STPG2: variants seen among roughly 807,000 people sequenced by gnomAD.
The protein encoded by STPG2 is sperm tail PG-rich repeat containing 2.
A neutral mutation model predicts 54.2 loss-of-function variants in STPG2; 56 were observed. The observed-to-expected ratio is 1.03, with a 90% CI of 0.83 to 1.29. The LOEUF is 1.29. STPG2 is among the 50% of genes most tolerant of loss of function. STPG2 has a pLI of 0.00. For synonymous variants in STPG2, 200 were observed against 181.8 expected, an observed-to-expected ratio of 1.10 and a Z score of -0.81; for missense variants, 596 against 544.9, an observed-to-expected ratio of 1.09 and a Z score of -0.93.
chr4:97,535,599 C>T (rs1263655713), intron 4 of STPG2, among the ~76,000 whole-genome samples: 1 of 152,078 alleles, frequency 6.6e-6, no homozygotes, highest in African/African-American at 2.4e-5. Flanking sequence ...TGTCTCTGTT[C>T]AGAAGTTGAT....
intron 9 of STPG2, among the ~76,000 whole-genome samples, chr4:97,792,234 C>T (rs1215556593): frequency 6.6e-6 from 1 of 152,140 alleles, no homozygotes; most frequent in African/African-American, 2.4e-5. Flanking sequence ...CTAGCTATCT[C>T]AAATTTAAAT....
chr4:98,025,627 C>T (rs776363151), intron 5 of STPG2: 233 of 799,118 alleles, frequency 2.9e-4, no homozygotes, highest in Admixed American at 9.7e-4. Context: ...CATATGCACA[C>T]GAACTGCCAA....
intron 8 of STPG2, among the ~76,000 whole-genome samples, chr4:97,850,297 G>GAAAA (rs1729111159): frequency 1.6e-4 from 1 of 6,358 alleles, no homozygotes; most frequent in Admixed American, 1.6e-3. Flanking sequence ...GGGAGGGAAA[G>GAAAA]AAAAATAAAT....
intron 5 of STPG2, among the ~76,000 whole-genome samples, chr4:98,040,096 A>G (rs965935187): frequency 2.0e-5 from 3 of 151,746 alleles, no homozygotes; most frequent in Admixed American, 1.3e-4. Context: ...ATTTTTTCAT[A>G]TCTTTGTTGG....
chr4:98,090,766 G>T, intron 5 of STPG2, among the ~76,000 whole-genome samples: 2 of 151,336 alleles, frequency 1.3e-5, no homozygotes, highest in East Asian at 1.9e-4. Context: ...TTCTTTCTTA[G>T]GTCCCCCTTC....
intron 10 of STPG2, among the ~76,000 whole-genome samples, chr4:97,559,889 C>G (rs1393497208): frequency 6.6e-6 from 1 of 152,136 alleles, no homozygotes; most frequent in Non-Finnish European, 1.5e-5. Flanking sequence ...TAGTAAGAGC[C>G]TACTGTATGC....
chr4:97,807,820 CA>C (rs1054866487), intron 9 of STPG2, among the ~76,000 whole-genome samples: 1 of 151,538 alleles, frequency 6.6e-6, no homozygotes, highest in African/African-American at 2.4e-5. Context: ...GATAAGGATA[CA>C]AAAAACAAAA....
intron 10 of STPG2, among the ~76,000 whole-genome samples, chr4:97,663,944 C>A (rs962476367): frequency 3.9e-5 from 6 of 151,996 alleles, no homozygotes; most frequent in Non-Finnish European, 8.8e-5. Context: ...ACCCTACATG[C>A]AAAATTTCCT....
chr4:97,994,599 A>C (rs758175511), intron 5 of STPG2, among the ~76,000 whole-genome samples: 28 of 152,070 alleles, frequency 1.8e-4, no homozygotes, highest in Non-Finnish European at 3.7e-4. Flanking sequence ...CACCCGGCAG[A>C]GATACTGAAC....
chr4:97,444,976 G>A (rs942942586), intron 4 of STPG2, among the ~76,000 whole-genome samples: 4 of 152,212 alleles, frequency 2.6e-5, no homozygotes, highest in Non-Finnish European at 4.4e-5. Flanking sequence ...GGCAGAGCTT[G>A]CAGTGAGTGG....
intron 4 of STPG2, among the ~76,000 whole-genome samples, chr4:97,522,678 T>A (rs902410124): frequency 6.6e-6 from 1 of 152,010 alleles, no homozygotes. Flanking sequence ...GTAATAGTCT[T>A]ACTGATTTAA....
At chr4:97,956,833 T>G (rs1329544618) in intron 7 of STPG2, among the ~76,000 whole-genome samples, 1 of 152,112 alleles carries the variant, frequency 6.6e-6, no homozygotes, top group Non-Finnish European at 1.5e-5. Flanking sequence ...AAAACAGCCT[T>G]GAGTCCTACA....
chr4:97,741,682 T>C (rs1725241001), intron 9 of STPG2, among the ~76,000 whole-genome samples: 2 of 152,252 alleles, frequency 1.3e-5, no homozygotes, highest in South Asian at 4.1e-4. Context: ...TCACACCAGT[T>C]AGAATGGCAA....
chr4:97,773,247 T>C (rs165248), intron 9 of STPG2, among the ~76,000 whole-genome samples: 24,498 of 152,084 alleles, frequency 0.16, 2,140 homozygotes, highest in East Asian at 0.36. Context: ...CATGAATTTA[T>C]TGGATTCAAA....
At chr4:97,814,448 C>T (rs1010646700) in intron 9 of STPG2, among the ~76,000 whole-genome samples, 3 of 152,108 alleles carry the variant, frequency 2.0e-5, no homozygotes, top group Admixed American at 2.0e-4. Context: ...CCTGCCTCAG[C>T]CATCCAAGTA....
chr4:97,742,519 CTGTGTGTGTGTGTGTGTG>C (rs150619013), intron 9 of STPG2, among the ~76,000 whole-genome samples: 9 of 125,104 alleles, frequency 7.2e-5, no homozygotes, highest in African/African-American at 1.2e-4. Context: ...AATGAATAAA[CTGTGTGTGTGTGTGTGTG>C]TGTGTGTGTG....
At chr4:97,447,199 T>C (rs1015466693) in intron 4 of STPG2, among the ~76,000 whole-genome samples, 2 of 152,178 alleles carry the variant, frequency 1.3e-5, no homozygotes, top group African/African-American at 4.8e-5. Flanking sequence ...GCCCTGGAAA[T>C]CTGTGGAGCA....
chr4:97,881,750 C>A (rs1368844553), intron 8 of STPG2, among the ~76,000 whole-genome samples: 1 of 152,224 alleles, frequency 6.6e-6, no homozygotes, highest in African/African-American at 2.4e-5. Flanking sequence ...TTTCCCATTT[C>A]TCTAGTTTCA....
chr4:97,536,949 AG>A (rs1731546843), intron 4 of STPG2, among the ~76,000 whole-genome samples: 1 of 152,182 alleles, frequency 6.6e-6, no homozygotes, highest in Non-Finnish European at 1.5e-5. Context: ...ATCGGTTTCT[AG>A]CCTCTGTTTT....
Sources: allele counts gnomAD v4.1 joint callset (sites outside exome capture counted in the v4.1 genomes callset), GRCh38; gene constraint gnomAD v4.1.1; transcripts MANE v1.5; gene names NCBI Gene and HGNC (gene_info 2026-07-23, HGNC 2026-07-21).